The following NRXN1 variants were observed in gnomAD, a reference collection of about 807,000 sequenced individuals.
NRXN1 encodes neurexin 1.
In NRXN1, 39 loss-of-function variants were observed where a neutral mutation model predicts 150.9. That is an observed-to-expected ratio of 0.26 (90% CI 0.20 to 0.34). The LOEUF (loss-of-function observed/expected upper bound fraction) is 0.34. Ranked by LOEUF, NRXN1 falls within the 10% of genes least tolerant of loss-of-function variation. NRXN1 has a pLI of 1.00. For synonymous variants in NRXN1, 924 were observed against 757.0 expected, an observed-to-expected ratio of 1.22 and a Z score of -3.62; for missense variants, 1,815 against 1,949.9, an observed-to-expected ratio of 0.93 and a Z score of 1.30.
intron 18 of NRXN1, among the ~76,000 whole-genome samples, chr2:50,132,223 T>G (rs1705614985): frequency 1.3e-5 from 2 of 151,964 alleles, no homozygotes; most frequent in South Asian, 4.1e-4. Context: ...TACTGCAAAG[T>G]AAAGTTCTCA....
intron 17 of NRXN1, among the ~76,000 whole-genome samples, chr2:50,353,005 C>A (rs1477093358): frequency 6.6e-6 from 1 of 151,828 alleles, no homozygotes; most frequent in East Asian, 1.9e-4. Flanking sequence ...CTAGCACCTC[C>A]CCAATGATAT....
intron 5 of NRXN1, among the ~76,000 whole-genome samples, chr2:50,707,348 T>G (rs1487009456): frequency 6.6e-6 from 1 of 152,166 alleles, no homozygotes; most frequent in Non-Finnish European, 1.5e-5. Flanking sequence ...CAAACCTGGA[T>G]GACTTCCAAG....
chr2:50,662,078 T>A (rs1306336607), intron 5 of NRXN1, among the ~76,000 whole-genome samples: 5 of 152,076 alleles, frequency 3.3e-5, no homozygotes, highest in African/African-American at 9.7e-5. Context: ...ATGTACAAAG[T>A]CTATTTCAAT....
In NRXN1 at chr2:50,731,451, C is replaced by G. The variant is rs1292389118; in HGVS notation, c.833-107836G>C. On this transcript the variant is annotated intron_variant, in intron 5 of 22. Coordinates refer to ENST00000401669, the MANE Select transcript of NRXN1 (RefSeq NM_001330078.2). ...TCTTGGTAAACAGAGATTTTTAAAT[C>G]AGAGTCAGAAAAAAATGTTATCCGG... is the stretch of plus-strand genomic sequence containing the variant. 2.0e-5 allele frequency among the ~76,000 whole-genome samples: 3 copies of G among 152,198 alleles called. No individual in the cohort carries two copies. The East Asian group carries it at 5.8e-4, about 29-fold the overall frequency.
intron 5 of NRXN1, among the ~76,000 whole-genome samples, chr2:50,797,729 T>C (rs986787856): frequency 1.3e-5 from 2 of 152,186 alleles, no homozygotes; most frequent in African/African-American, 4.8e-5. Context: ...CCTATTTCAA[T>C]GTCAGATACA....
chr2:50,859,108 T>C (rs768064806), intron 5 of NRXN1, among the ~76,000 whole-genome samples: 6 of 152,088 alleles, frequency 3.9e-5, no homozygotes, highest in African/African-American at 7.2e-5. Context: ...TAAGAATATT[T>C]ATAAAGTGAA....
At chr2:50,956,202 ATT>A (rs1488225010) in intron 2 of NRXN1, among the ~76,000 whole-genome samples, 1 of 152,136 alleles carries the variant, frequency 6.6e-6, no homozygotes. Context: ...ATTAAAATAT[ATT>A]GTTATAATTG....
chr2:50,286,010 T>A (rs192437621), intron 17 of NRXN1, among the ~76,000 whole-genome samples: 44 of 152,278 alleles, frequency 2.9e-4, no homozygotes, highest in African/African-American at 9.9e-4. Context: ...TAAATATTTT[T>A]AAAATTAACA....
rs1225871795 is a variant in NRXN1, at chr2:50,960,551, A to G, written c.773-34596T>C. Reference sequence around the variant, plus strand: ...GAAGTTGGTGCACAACAAGAGAGACATATTATCACCTACATGGAGGAAGTA... The same window carrying G: ...GAAGTTGGTGCACAACAAGAGAGACGTATTATCACCTACATGGAGGAAGTA... On this transcript the variant is annotated intron_variant, in intron 2 of 22. Transcript: ENST00000401669. 2.0e-5 allele frequency among the ~76,000 whole-genome samples: 3 copies of G among 151,968 alleles called. No homozygotes were observed. In the East Asian group the frequency reaches 5.8e-4, roughly 29 times the overall value.
chr2:50,113,361 T>C (rs1273382797), intron 18 of NRXN1, among the ~76,000 whole-genome samples: 1 of 152,200 alleles, frequency 6.6e-6, no homozygotes, highest in East Asian at 1.9e-4. Flanking sequence ...GAGCACTCCA[T>C]GTCAAATTGA....
chr2:50,478,667 T>C (rs952990300), intron 15 of NRXN1, among the ~76,000 whole-genome samples: 10 of 152,216 alleles, frequency 6.6e-5, no homozygotes, highest in African/African-American at 2.4e-4. Flanking sequence ...TTATTATCTT[T>C]AGGCGTGTCC....
chr2:50,528,739 C>A, intron 11 of NRXN1, 88 bp from the exon 12 acceptor site: 1 of 760,444 alleles, frequency 1.3e-6, no homozygotes, highest in South Asian at 1.7e-5. Flanking sequence ...TCCACCCTTC[C>A]GGGGACAGAC....
chr2:50,711,606 G>A (rs572214108), intron 5 of NRXN1, among the ~76,000 whole-genome samples: 1 of 152,024 alleles, frequency 6.6e-6, no homozygotes, highest in Non-Finnish European at 1.5e-5. Context: ...AAAGTGCTGG[G>A]ATTACAGGCA....
In NRXN1 at chr2:50,552,717, A is replaced by G; in HGVS notation, c.1629T>C (p.Ile543=). ...GGTAGAGGTGGCCATCTAGCATCTC[A>G]ATAGCAAAGAAGTCCACCTTTATCA... ...PQMIKVDFFA[I]EMLDGHLYLL... is the part of the protein sequence containing the mutation. Residue 543 remains isoleucine, a synonymous_variant, in exon 9 of 23, where the codon ATT becomes ATC. Transcript: ENST00000401669. 6.2e-7 allele frequency: 1 copy of G among 1,613,876 alleles called. No homozygotes were observed. Among genetic ancestry groups the G allele is most frequent in the East Asian group, 2.2e-5 (1 of 44,876 alleles).
intron 5 of NRXN1, among the ~76,000 whole-genome samples, chr2:50,812,619 T>C (rs1361337151): frequency 1.3e-5 from 2 of 151,796 alleles, no homozygotes; most frequent in African/African-American, 2.4e-5. Flanking sequence ...TAAATAGATA[T>C]TGTATAGATC....
At chr2:50,245,858 C>A (rs1180867715) in intron 17 of NRXN1, among the ~76,000 whole-genome samples, 2 of 151,272 alleles carry the variant, frequency 1.3e-5, no homozygotes, top group African/African-American at 4.8e-5. Flanking sequence ...ACAGAGAAAC[C>A]AAGTGTCTTC....
chr2:50,992,429 T>G lies in NRXN1; in HGVS notation c.772+35073A>C, dbSNP rs183863654. On this transcript the variant is annotated intron_variant, in intron 2 of 22. Transcript: ENST00000401669. ...ATAGAACTTTGAAAGGCTAACACCC[T>G]CATCATTAGCACACAGTAGGCATAT... Among the ~76,000 whole-genome samples, 109 of 152,078 alleles carry G rather than the reference T, an allele frequency of 7.2e-4. 1 individual carries two copies. Among genetic ancestry groups the G allele is most frequent in the African/African-American group, 2.5e-3 (105 of 41,542 alleles).
intron 17 of NRXN1, among the ~76,000 whole-genome samples, chr2:50,262,027 C>T (rs1409501529): frequency 1.3e-5 from 2 of 151,840 alleles, no homozygotes; most frequent in African/African-American, 2.4e-5. Context: ...CCAAAGCCGG[C>T]GTTAACCTTG....
At chr2:50,012,015 A>G (rs973681215) in intron 21 of NRXN1, among the ~76,000 whole-genome samples, 1 of 152,104 alleles carries the variant, frequency 6.6e-6, no homozygotes. Flanking sequence ...ATGTAAGGCA[A>G]ACATAATAGC....
Sources: gnomAD v4.1 joint callset for allele counts (sites outside exome capture counted in the v4.1 genomes callset) on GRCh38, gnomAD v4.1.1 for gene constraint, MANE v1.5 for transcripts, NCBI Gene and HGNC (gene_info 2026-07-23, HGNC 2026-07-21) for gene names.